KCNB2: variants seen among roughly 807,000 people sequenced by gnomAD.
KCNB2 encodes the protein delayed rectifier potassium channel protein.
A neutral mutation model predicts 61.5 loss-of-function variants in KCNB2; 15 were observed. The ratio of observed to expected loss-of-function variants is 0.24; its 90% CI spans 0.16 to 0.38. The LOEUF (loss-of-function observed/expected upper bound fraction) is 0.38. Ranked by LOEUF, KCNB2 falls within the 10% of genes least tolerant of loss-of-function variation. KCNB2 has a pLI of 1.00. For missense variants in KCNB2, 828 were observed against 1,125.2 expected, an observed-to-expected ratio of 0.74 and a Z score of 3.78; for synonymous variants, 457 against 446.0, an observed-to-expected ratio of 1.02 and a Z score of -0.31.
chr8:72,755,154 C>A (rs562080316), intron 2 of KCNB2, among the ~76,000 whole-genome samples: 5 of 152,058 alleles, frequency 3.3e-5, no homozygotes, highest in African/African-American at 1.2e-4. Context: ...AATAACTGAC[C>A]AGTACATCTT....
At chr8:72,917,879 G>C (rs2981086) in intron 2 of KCNB2, among the ~76,000 whole-genome samples, 14,724 of 152,186 alleles carry the variant, frequency 0.097, 706 homozygotes, top group African/African-American at 0.12. Flanking sequence ...GGTAGAACAG[G>C]AGGTGAAGGC....
At chr8:72,819,199 C>T (rs182945328) in intron 2 of KCNB2, among the ~76,000 whole-genome samples, 18 of 152,100 alleles carry the variant, frequency 1.2e-4, no homozygotes, top group Admixed American at 1.0e-3. Flanking sequence ...TCCCAAGACC[C>T]ATTTTGTTGC....
intron 2 of KCNB2, among the ~76,000 whole-genome samples, chr8:72,811,388 A>G (rs965700438): frequency 3.9e-5 from 6 of 152,120 alleles, no homozygotes; most frequent in African/African-American, 1.4e-4. Flanking sequence ...ATCTAAAAAT[A>G]TGGGACATCT....
intron 2 of KCNB2, among the ~76,000 whole-genome samples, chr8:72,682,595 A>T (rs867534018): frequency 0.013 from 1,764 of 138,128 alleles, 22 homozygotes; most frequent in Middle Eastern, 0.09. Context: ...GTTGAATTTA[A>T]AAAAAAAAAA....
chr8:72,690,297 C>T (rs1444779200), intron 2 of KCNB2, among the ~76,000 whole-genome samples: 1 of 152,104 alleles, frequency 6.6e-6, no homozygotes, highest in African/African-American at 2.4e-5. Context: ...CCATATGATT[C>T]CATAATTATT....
chr8:72,667,207 G>A (rs1014985612), intron 2 of KCNB2, among the ~76,000 whole-genome samples: 1 of 152,240 alleles, frequency 6.6e-6, no homozygotes, highest in South Asian at 2.1e-4. Flanking sequence ...ATAATACTGG[G>A]CCTGAAGCAT....
chr8:72,674,147 A>C (rs2128988418), intron 2 of KCNB2, among the ~76,000 whole-genome samples: 1 of 152,266 alleles, frequency 6.6e-6, no homozygotes, highest in Non-Finnish European at 1.5e-5. Flanking sequence ...CAGATGCATA[A>C]CTCTGAACCC....
intron 2 of KCNB2, among the ~76,000 whole-genome samples, chr8:72,850,305 C>T (rs1444854616): frequency 1.3e-5 from 2 of 151,794 alleles, no homozygotes; most frequent in African/African-American, 4.8e-5. Flanking sequence ...CTGCAACCTC[C>T]ACCTCCCAGG....
At chr8:72,639,513 A>G (rs1806021082) in intron 2 of KCNB2, among the ~76,000 whole-genome samples, 1 of 151,986 alleles carries the variant, frequency 6.6e-6, no homozygotes, top group Admixed American at 6.6e-5. Context: ...GGGCCTCCTT[A>G]ATCTGGTTTC....
At chr8:72,756,464 C>T (rs1172430760) in intron 2 of KCNB2, among the ~76,000 whole-genome samples, 1 of 152,172 alleles carries the variant, frequency 6.6e-6, no homozygotes, top group African/African-American at 2.4e-5. Context: ...GGTTCTTGAC[C>T]TTGGCTACAT....
chr8:72,589,863 C>A (rs572779110), intron 2 of KCNB2, among the ~76,000 whole-genome samples: 1 of 152,270 alleles, frequency 6.6e-6, no homozygotes, highest in South Asian at 2.1e-4. Context: ...CAACTAAGGG[C>A]AGGCATGTGA....
chr8:72,620,855 G>T (rs889369043), intron 2 of KCNB2, among the ~76,000 whole-genome samples: 1 of 152,078 alleles, frequency 6.6e-6, no homozygotes, highest in Non-Finnish European at 1.5e-5. Context: ...TGATCCACCC[G>T]CCTCGGCCTC....
In KCNB2 at chr8:72,685,952, G is replaced by A. The variant is rs949078129; in HGVS notation, c.579+117639G>A. Among the ~76,000 whole-genome samples the A allele has an allele frequency of 2.6e-4, 39 of 152,292 alleles. 1 individual carries two copies. The highest frequency in any genetic ancestry group is 2.3e-3 in the Admixed American group (35 of 15,304). On this transcript the variant is annotated intron_variant, in intron 2 of 2. Coordinates refer to ENST00000523207, the MANE Select transcript of KCNB2 (RefSeq NM_004770.3). ...TGCAGTGAGCCGAGATCGCGCCATT[G>A]CACTCCAGCCTGGGCAACAAGAGTG...
At chr8:72,654,226 C>T (rs2383869) in intron 2 of KCNB2, among the ~76,000 whole-genome samples, 61,519 of 152,076 alleles carry the variant, frequency 0.4, 14,188 homozygotes, top group Non-Finnish European at 0.52. Flanking sequence ...CAAATATCAT[C>T]TTCCAAAGAG....
At chr8:72,912,300 G>A (rs191354990) in intron 2 of KCNB2, among the ~76,000 whole-genome samples, 6 of 152,142 alleles carry the variant, frequency 3.9e-5, no homozygotes, top group Admixed American at 3.9e-4. Flanking sequence ...GAAGATGACT[G>A]GCGGCTCTCC....
intron 2 of KCNB2, among the ~76,000 whole-genome samples, chr8:72,767,743 T>C (rs988966026): frequency 3.9e-5 from 6 of 152,210 alleles, no homozygotes; most frequent in African/African-American, 1.4e-4. Flanking sequence ...GGAGTGGAAT[T>C]ACTAGGTCAC....
intron 1 of KCNB2, among the ~76,000 whole-genome samples, chr8:72,561,756 T>C (rs1180083417): frequency 4.0e-5 from 1 of 25,226 alleles, no homozygotes; most frequent in African/African-American, 2.3e-4. Context: ...TGTATATATA[T>C]ATATGGATAT....
intron 2 of KCNB2, among the ~76,000 whole-genome samples, chr8:72,934,673 T>C (rs944429231): frequency 4.6e-5 from 7 of 152,148 alleles, no homozygotes; most frequent in African/African-American, 1.7e-4. Context: ...GTGCTACATA[T>C]GATAACTGAA....
intron 2 of KCNB2, among the ~76,000 whole-genome samples, chr8:72,883,559 A>C (rs1046653712): frequency 6.6e-6 from 1 of 152,208 alleles, no homozygotes; most frequent in Middle Eastern, 3.2e-3. Flanking sequence ...TCCCAGCTTT[A>C]TTGGAAGCTA....
Sources: gnomAD v4.1 joint callset for allele counts (sites outside exome capture counted in the v4.1 genomes callset) on GRCh38, gnomAD v4.1.1 for gene constraint, MANE v1.5 for transcripts, NCBI Gene and HGNC (gene_info 2026-07-23, HGNC 2026-07-21) for gene names.